Variants in CGB1 observed in about 807,000 individuals in gnomAD.
CGB1 encodes the protein choriogonadotropin subunit beta variant 1.
In CGB1, 4 loss-of-function variants were observed where a neutral mutation model predicts 7.0. The ratio of observed to expected loss-of-function variants is 0.57; its 90% CI spans 0.28 to 1.31. CGB1 has a LOEUF of 1.31. CGB1 is among the 50% of genes most tolerant of loss of function. The probability of loss-of-function intolerance (pLI) is 0.10; values close to 1 mark genes in which losing one functional copy is unlikely to be tolerated. For missense variants in CGB1, 139 were observed against 219.1 expected (o/e 0.63, Z 2.31); for synonymous variants, 72 against 96.4 (o/e 0.75, Z 1.48).
chr19:49,035,605 G>T lies in CGB1; in HGVS notation c.*5C>A, dbSNP rs758068882. The T allele has an allele frequency of 8.1e-6, 13 of 1,611,764 alleles. No individual in the cohort carries two copies. The highest frequency in any genetic ancestry group is 1.7e-5 in the Admixed American group (1 of 59,988). On this transcript the variant is annotated 3_prime_UTR_variant, in exon 3 of 3. Transcript: ENST00000301407. ...AAGCCTTTATTGTGGGAGGATCGGGGTGTCCTAGGGCCCCGGGAGACGGGA... is the reference window on the plus strand; with the variant it reads ...AAGCCTTTATTGTGGGAGGATCGGGTTGTCCTAGGGCCCCGGGAGACGGGA...
rs1235615248 is a variant in CGB1, at chr19:49,036,589, T to G, written c.9+114A>C. The G allele has an allele frequency of 8.7e-6, 14 of 1,613,774 alleles. No homozygotes were observed. In the East Asian group the frequency reaches 2.9e-4, roughly 33 times the overall value. On this transcript the variant is annotated intron_variant, in intron 1 of 2. Coordinates refer to ENST00000301407, the MANE Select transcript of CGB1 (RefSeq NM_033377.2). Reference sequence around the variant, plus strand: ...CCTCCTTCCACAGCTCACACGGGTCTGCCCCTTCTCATGCCAGTGATGGCC... The same window carrying G: ...CCTCCTTCCACAGCTCACACGGGTCGGCCCCTTCTCATGCCAGTGATGGCC...
Position 49,035,627 on chromosome 19 carries a change from G to C in CGB1, c.451C>G (p.Arg151Gly), listed in dbSNP as rs527614195. ...GGGGTGTCCTAGGGCCCCGGGAGAC[G>C]GGATGGACTTGGAAGGCTGGGGGGA... ...APPPSLPSPS[R>G]LPGP is the part of the protein sequence containing the mutation. Residue 151 changes from arginine to glycine, a missense_variant, in exon 3 of 3, where the codon CGT (arginine) becomes GGT (glycine). By Grantham distance (125) the Arg-to-Gly change is moderately radical. Transcript: ENST00000301407. 7.4e-6 allele frequency: 12 copies of C among 1,611,406 alleles called. No individual in the cohort carries two copies. The highest frequency in any genetic ancestry group is 4.5e-5 in the East Asian group (2 of 44,860).
At position 49,036,747 on chromosome 19, in the gene CGB1, G is replaced by A. The variant is rs751016313; in HGVS notation, c.-36C>T. Reference sequence around the variant, plus strand: ...TAGCGGGATATCTTCCGCAAGCACTGGGAATGTGGACATGGAAAGTAAATT... The same window carrying A: ...TAGCGGGATATCTTCCGCAAGCACTAGGAATGTGGACATGGAAAGTAAATT... On this transcript the variant is annotated 5_prime_UTR_variant, in exon 1 of 3. Coordinates refer to ENST00000301407, the MANE Select transcript of CGB1 (RefSeq NM_033377.2). 9.9e-6 allele frequency: 16 copies of A among 1,613,604 alleles called. No individual in the cohort carries two copies. The highest frequency in any genetic ancestry group is 2.5e-6 in the Non-Finnish European group (3 of 1,179,676).
rs1211192571 is a variant in CGB1 at position 49,036,819 on chromosome 19, G to C, written c.-108C>G. ...ACAGGGAGTGAGGGGTGTTGGACGCGGCACGGGAACCTGGCCAGAGTCAGC... is the reference window on the plus strand; with the variant it reads ...ACAGGGAGTGAGGGGTGTTGGACGCCGCACGGGAACCTGGCCAGAGTCAGC... On this transcript the variant is annotated 5_prime_UTR_variant, in exon 1 of 3. Transcript: ENST00000301407. 3 of 1,542,868 alleles carry C rather than the reference G, an allele frequency of 1.9e-6. No homozygotes were observed. The highest frequency in any genetic ancestry group is 2.7e-6 in the Non-Finnish European group (3 of 1,116,828).
rs1006650939 is a variant in CGB1 at position 49,036,829 on chromosome 19, C to A, written c.-118G>T. On this transcript the variant is annotated 5_prime_UTR_variant, in exon 1 of 3. Transcript: ENST00000301407. ...AGGGGTGTTGGACGCGGCACGGGAA[C>A]CTGGCCAGAGTCAGCGGACCCAATT... 20 of 1,489,754 alleles carry A rather than the reference C, an allele frequency of 1.3e-5. No homozygotes were observed. In the African/African-American group the frequency reaches 2.5e-4, roughly 19 times the overall value. 92.3% of individuals were successfully genotyped at this position (1,489,754 alleles called of 1,614,324 possible). A position where few individuals can be genotyped will look rare whatever the true frequency, so the allele number is the denominator to read the frequency against.
In CGB1 at chr19:49,035,676, C is replaced by T; in HGVS notation, c.402G>A (p.Gln134=). ...HPLTCDDPRF[Q]DSSSSKAPPP... ...GAGGGGCCTTTGAGGAAGAGGAGTC[C>T]TGGAAGCGGGGGTCATCACAGGTCA... The change falls in exon 3 of 3, where the codon CAG becomes CAA. Residue 134 remains glutamine (Q), a synonymous_variant. Transcript: ENST00000301407. The T allele has an allele frequency of 1.2e-6, 2 of 1,610,542 alleles. No homozygotes were observed. The highest frequency in any genetic ancestry group is 1.1e-5 in the South Asian group (1 of 90,934).
chr19:49,036,444 T>C (rs1355153583), intron 1 of CGB1, 141 bp from the exon 2 acceptor site: 20 of 1,565,894 alleles, frequency 1.3e-5, no homozygotes, highest in Non-Finnish European at 1.6e-5. Flanking sequence ...CCCGGACACC[T>C]GCCTTTCAGA....
chr19:49,035,657 C>G lies in CGB1; in HGVS notation c.421G>C (p.Ala141Pro). The G allele has an allele frequency of 1.2e-6, 2 of 1,610,752 alleles. No homozygotes were observed. Among genetic ancestry groups the G allele is most frequent in the Non-Finnish European group, 1.7e-6 (2 of 1,179,804 alleles). The change falls in exon 3 of 3, where the codon GCC (alanine) becomes CCC (proline). Residue 141 changes from alanine to proline, a missense_variant. Transcript: ENST00000301407. ...GGACTTGGAAGGCTGGGGGGAGGGG[C>G]CTTTGAGGAAGAGGAGTCCTGGAAG... ...PRFQDSSSSK[A>P]PPPSLPSPSR...
chr19:49,036,317 A>G lies in CGB1; in HGVS notation c.10-14T>C, dbSNP rs2039817386. 6.2e-7 allele frequency: 1 copy of G among 1,604,640 alleles called. No homozygotes were observed. Among genetic ancestry groups the G allele is most frequent in the Non-Finnish European group, 8.5e-7 (1 of 1,179,746 alleles). On this transcript the variant is annotated splice_polypyrimidine_tract_variant and intron_variant, in intron 1 of 2. Transcript: ENST00000301407. ...CAGCAGCAGCCTCTGGGGCAAGGACACTGCTTCACCCGGGTCTGAGACTGC... is the reference window on the plus strand; with the variant it reads ...CAGCAGCAGCCTCTGGGGCAAGGACGCTGCTTCACCCGGGTCTGAGACTGC...
In CGB1 at chr19:49,036,177, T is replaced by C; in HGVS notation, c.136A>G (p.Thr46Ala). The C allele has an allele frequency of 6.2e-7, 1 of 1,609,828 alleles. No individual in the cohort carries two copies. Among genetic ancestry groups the C allele is most frequent in the Non-Finnish European group, 8.5e-7 (1 of 1,179,792 alleles). ...CCGGCACAGATGGTGGTGTTGACGG[T>C]GATGCACACGGGGCAGCCCTCCTTC... Reference protein sequence around the residue: ...VEKEGCPVCITVNTTICAGYC... With the variant: ...VEKEGCPVCIAVNTTICAGYC... Residue 46 changes from threonine to alanine, a missense_variant, in exon 2 of 3, where the codon ACC becomes GCC. Transcript: ENST00000301407.
rs2039826154 is a variant in CGB1, at chr19:49,036,795, C to G, written c.-84G>C. The G allele has an allele frequency of 1.2e-6, 2 of 1,603,134 alleles. No homozygotes were observed. Among genetic ancestry groups the G allele is most frequent in the Non-Finnish European group, 1.7e-6 (2 of 1,170,382 alleles). On this transcript the variant is annotated 5_prime_UTR_variant, in exon 1 of 3. Coordinates refer to ENST00000301407, the MANE Select transcript of CGB1 (RefSeq NM_033377.2). Reference sequence around the variant, plus strand: ...ATTGAGTCTCCGTGGGGGAGTGAGACAGGGAGTGAGGGGTGTTGGACGCGG... The same window carrying G: ...ATTGAGTCTCCGTGGGGGAGTGAGAGAGGGAGTGAGGGGTGTTGGACGCGG...
chr19:49,035,740 C>G lies in CGB1; in HGVS notation c.338G>C (p.Arg113Pro). The G allele has an allele frequency of 6.2e-7, 1 of 1,608,058 alleles. No individual in the cohort carries two copies. The highest frequency in any genetic ancestry group is 1.1e-5 in the South Asian group (1 of 90,820). Reference protein sequence around the residue: ...ALSCQCALCRRSTTDCGGPKD... With the variant: ...ALSCQCALCRPSTTDCGGPKD... ...GGGACCCCCGCAGTCAGTGGTGCTG[C>G]GGCGGCAGAGTGCACATTGACAGCT... is the stretch of plus-strand genomic sequence containing the variant. The change falls in exon 3 of 3, where the codon CGC (arginine) becomes CCC (proline). Residue 113 changes from arginine (R) to proline (P), a missense_variant. Transcript: ENST00000301407.
Position 49,036,877 on chromosome 19 carries a change from T to G in CGB1, c.-166A>C. The G allele has an allele frequency of 8.7e-6, 8 of 922,828 alleles. No individual in the cohort carries two copies. Among genetic ancestry groups the G allele is most frequent in the Non-Finnish European group, 8.5e-6 (5 of 589,826 alleles). The allele number at this position is 922,828 out of a possible 1,614,324, so 57.2% of individuals were successfully genotyped here. On this transcript the variant is annotated 5_prime_UTR_variant, in exon 1 of 3. Transcript: ENST00000301407. ...ATTGGCTGCTCTCTCTCAGATGCAG[T>G]TCCCCTTCCTCCCTCCAGGGGGCGC...
chr19:49,036,504 G>T (rs557954928), intron 1 of CGB1, 199 bp downstream of exon 1: 4 of 1,577,412 alleles, frequency 2.5e-6, no homozygotes, highest in East Asian at 2.3e-5. Flanking sequence ...TTTCAGATCC[G>T]CACCCTCAGG....
rs1368802664 is a variant in CGB1 at position 49,036,314 on chromosome 19, G to C, written c.10-11C>G. ...CAACAGCAGCAGCCTCTGGGGCAAG[G>C]ACACTGCTTCACCCGGGTCTGAGAC... On this transcript the variant is annotated splice_polypyrimidine_tract_variant and intron_variant, in intron 1 of 2. Coordinates refer to ENST00000301407, the MANE Select transcript of CGB1 (RefSeq NM_033377.2). 6.2e-7 allele frequency: 1 copy of C among 1,604,720 alleles called. No individual in the cohort carries two copies. The highest frequency in any genetic ancestry group is 1.3e-5 in the African/African-American group (1 of 74,772).
intron 1 of CGB1, 103 bp from the exon 2 acceptor site, chr19:49,036,406 C>T: frequency 1.3e-6 from 2 of 1,599,368 alleles, no homozygotes; most frequent in Non-Finnish European, 8.5e-7. Context: ...AGAGACCCTT[C>T]CCGGCATCTT....
At chr19:49,036,373 T>G (rs970307886) in intron 1 of CGB1, 70 bp from the exon 2 acceptor site, 2 of 1,601,692 alleles carry the variant, frequency 1.2e-6, no homozygotes, top group African/African-American at 1.3e-5. Flanking sequence ...CCATCCCGCA[T>G]GGTACACCAC....
At chr19:49,036,350 A>T in intron 1 of CGB1, 47 bp from the exon 2 acceptor site, 1 of 1,602,550 alleles carries the variant, frequency 6.2e-7, no homozygotes, top group Non-Finnish European at 8.5e-7. Context: ...TGCAGCCCCC[A>T]GTCCTGGCCT....
At position 49,036,286 on chromosome 19, in the gene CGB1, C is replaced by T. The variant is rs2039816692; in HGVS notation, c.27G>A (p.Leu9=). Residue 9 remains leucine (L), a synonymous_variant, in exon 2 of 3, where the codon CTG becomes CTA. Coordinates refer to ENST00000301407, the MANE Select transcript of CGB1 (RefSeq NM_033377.2). The part of the protein sequence containing the change: MSKRLLLL[L]LLSMGGTWAS... ...CCCATGTCCCGCCCATGCTCAGCAG[C>T]AGCAACAGCAGCAGCCTCTGGGGCA... 3 of 1,605,976 alleles carry T rather than the reference C, an allele frequency of 1.9e-6. No homozygotes were observed. Among genetic ancestry groups the T allele is most frequent in the Non-Finnish European group, 2.5e-6 (3 of 1,179,608 alleles).
Sources: allele counts gnomAD v4.1 joint callset, GRCh38; gene constraint gnomAD v4.1.1; transcripts MANE v1.5; gene names NCBI Gene and HGNC (gene_info 2026-07-23, HGNC 2026-07-21).